MAGI2: variants seen among roughly 807,000 people sequenced by gnomAD.
The protein encoded by MAGI2 is membrane associated guanylate kinase, WW and PDZ domain containing 2, also known as membrane-associated guanylate kinase, WW and PDZ domain-containing protein 2.
In MAGI2, 35 loss-of-function variants were observed where a neutral mutation model predicts 133.3. The observed-to-expected ratio is 0.26, with a 90% CI of 0.20 to 0.35. MAGI2 has a LOEUF of 0.35. Among genes scored for constraint, MAGI2 ranks in the 10% least tolerant of loss-of-function variants. The probability of loss-of-function intolerance (pLI) is 1.00; values close to 1 mark genes in which losing one functional copy is unlikely to be tolerated. For missense variants in MAGI2, 1,636 were observed against 1,863.4 expected (o/e 0.88, Z 2.25); for synonymous variants, 729 against 710.6 (o/e 1.03, Z -0.41).
chr7:78,037,928 G>T (rs1374080816), intron 21 of MAGI2, among the ~76,000 whole-genome samples: 1 of 152,194 alleles, frequency 6.6e-6, no homozygotes, highest in Non-Finnish European at 1.5e-5. Flanking sequence ...TGCACGTCTG[G>T]AGTCTAAAAA....
chr7:78,655,454 CA>C, intron 2 of MAGI2, among the ~76,000 whole-genome samples: 2,869 of 64,932 alleles, frequency 0.044, 48 homozygotes, highest in South Asian at 0.062. Flanking sequence ...AAAAAACAAC[CA>C]AAAAAAAAAA....
intron 9 of MAGI2, among the ~76,000 whole-genome samples, chr7:78,290,230 T>C (rs1355363124): frequency 3.3e-5 from 5 of 152,226 alleles, no homozygotes; most frequent in East Asian, 1.9e-4. Context: ...GAGACACACA[T>C]AGACTCAAAT....
chr7:79,253,155 AT>A (rs1366100009), intron 1 of MAGI2, among the ~76,000 whole-genome samples: 3 of 152,324 alleles, frequency 2.0e-5, no homozygotes, highest in African/African-American at 7.2e-5. Flanking sequence ...AGAAAGTGTC[AT>A]TTTTATTATA....
At chr7:78,397,302 G>A (rs774718091) in intron 6 of MAGI2, among the ~76,000 whole-genome samples, 47 of 151,854 alleles carry the variant, frequency 3.1e-4, no homozygotes, top group African/African-American at 8.7e-4. Context: ...ATACACTGGC[G>A]TCAAGGTGGC....
At chr7:78,125,290 C>G (rs1215558367) in intron 20 of MAGI2, among the ~76,000 whole-genome samples, 2 of 152,114 alleles carry the variant, frequency 1.3e-5, no homozygotes, top group South Asian at 4.2e-4. Context: ...CTAAAAGTCC[C>G]GCAAAACCAT....
chr7:78,092,521 C>G (rs1023378750), intron 20 of MAGI2, among the ~76,000 whole-genome samples: 5 of 152,184 alleles, frequency 3.3e-5, no homozygotes, highest in African/African-American at 1.2e-4. Flanking sequence ...TGCATGAGAA[C>G]AGCTGAGCTA....
At chr7:78,609,198 TG>T (rs2150905002) in intron 3 of MAGI2, among the ~76,000 whole-genome samples, 1 of 152,320 alleles carries the variant, frequency 6.6e-6, no homozygotes, top group South Asian at 2.1e-4. Context: ...TAATCTCCTT[TG>T]GCAACACCCT....
chr7:78,628,695 G>T (rs1043396968), intron 2 of MAGI2, among the ~76,000 whole-genome samples: 4 of 149,974 alleles, frequency 2.7e-5, no homozygotes, highest in Non-Finnish European at 4.4e-5. Context: ...CCCTGAATTG[G>T]TTATTTTGTT....
chr7:78,974,878 A>T (rs1227735121), intron 2 of MAGI2, among the ~76,000 whole-genome samples: 1 of 151,832 alleles, frequency 6.6e-6, no homozygotes, highest in Non-Finnish European at 1.5e-5. Flanking sequence ...CGAAAGTTTG[A>T]CTACCTATAT....
chr7:79,154,496 A>G (rs1450234918), intron 1 of MAGI2, among the ~76,000 whole-genome samples: 1 of 152,200 alleles, frequency 6.6e-6, no homozygotes, highest in African/African-American at 2.4e-5. Context: ...TAGAATTACT[A>G]ACAAATGCCA....
chr7:78,827,667 C>T (rs1790781763), intron 2 of MAGI2, among the ~76,000 whole-genome samples: 1 of 151,946 alleles, frequency 6.6e-6, no homozygotes, highest in Admixed American at 6.5e-5. Context: ...AAGTGCTAAA[C>T]ATATAAATTC....
At chr7:78,932,167 C>G (rs1800181952) in intron 2 of MAGI2, among the ~76,000 whole-genome samples, 1 of 152,022 alleles carries the variant, frequency 6.6e-6, no homozygotes, top group African/African-American at 2.4e-5. Context: ...AGGCCTGATA[C>G]ACCAATGTCA....
chr7:78,469,291 G>A (rs57264101), intron 6 of MAGI2, among the ~76,000 whole-genome samples: 8,497 of 152,190 alleles, frequency 0.056, 430 homozygotes, highest in African/African-American at 0.12. Context: ...GGGAAGTAAA[G>A]CACTGCATCA....
At chr7:79,120,407 C>A (rs1183208143) in intron 1 of MAGI2, among the ~76,000 whole-genome samples, 1 of 151,942 alleles carries the variant, frequency 6.6e-6, no homozygotes, top group Admixed American at 6.6e-5. Flanking sequence ...ATAAGAGGGC[C>A]TTAATGATGC....
At chr7:78,715,525 T>C (rs1438447338) in intron 2 of MAGI2, among the ~76,000 whole-genome samples, 1 of 152,108 alleles carries the variant, frequency 6.6e-6, no homozygotes, top group Non-Finnish European at 1.5e-5. Flanking sequence ...AAGTAATAAC[T>C]CAATGAAAGC....
chr7:78,584,756 G>T (rs924943409), intron 3 of MAGI2, among the ~76,000 whole-genome samples: 2 of 152,170 alleles, frequency 1.3e-5, no homozygotes, highest in South Asian at 2.1e-4. Flanking sequence ...TAAAGTGCCT[G>T]GGCTTCGGAT....
intron 1 of MAGI2, among the ~76,000 whole-genome samples, chr7:79,286,709 G>T (rs1321500783): frequency 3.3e-5 from 5 of 151,980 alleles, no homozygotes; most frequent in Admixed American, 3.3e-4. Flanking sequence ...TTGGGTTACA[G>T]ACTCTGTCCC....
intron 9 of MAGI2, among the ~76,000 whole-genome samples, chr7:78,301,905 C>T (rs1475319583): frequency 6.6e-6 from 1 of 152,088 alleles, no homozygotes; most frequent in East Asian, 1.9e-4. Context: ...CCTCTTGTTC[C>T]TCAGCCTCCC....
At chr7:78,107,662 C>T (rs1818833157) in intron 20 of MAGI2, among the ~76,000 whole-genome samples, 1 of 151,844 alleles carries the variant, frequency 6.6e-6, no homozygotes, top group Non-Finnish European at 1.5e-5. Flanking sequence ...TTAGCAGCCT[C>T]AATCTCATTA....
Sources: gnomAD v4.1 joint callset for allele counts (sites outside exome capture counted in the v4.1 genomes callset) on GRCh38, gnomAD v4.1.1 for gene constraint, MANE v1.5 for transcripts, NCBI Gene and HGNC (gene_info 2026-07-23, HGNC 2026-07-21) for gene names.